CPLX2: variants seen among roughly 807,000 people sequenced by gnomAD.
CPLX2 encodes the protein complexin-2.
CPLX2 carries 5 observed loss-of-function variants against 16.3 expected under a neutral mutation model. That is an observed-to-expected ratio of 0.31 (90% CI 0.16 to 0.64). The LOEUF (loss-of-function observed/expected upper bound fraction) is 0.64, where lower values mean the gene tolerates loss of function less well. CPLX2 is among the 30% of genes least tolerant of loss of function. The pLI, the probability that CPLX2 is intolerant of heterozygous loss-of-function variation, is 0.79. For missense variants in CPLX2, 144 were observed against 181.4 expected (o/e 0.79, Z 1.18); for synonymous variants, 89 against 73.2 (o/e 1.22, Z -1.10).
chr5:175,814,726 C>T (rs1481531427), intron 2 of CPLX2, among the ~76,000 whole-genome samples: 1 of 152,156 alleles, frequency 6.6e-6, no homozygotes, highest in Non-Finnish European at 1.5e-5. Flanking sequence ...GGACACAGGG[C>T]TCAGGAAAGG....
intron 2 of CPLX2, among the ~76,000 whole-genome samples, chr5:175,829,398 C>T (rs1225362892): frequency 1.3e-5 from 2 of 152,188 alleles, no homozygotes; most frequent in Non-Finnish European, 2.9e-5. Flanking sequence ...GAAGGCCCCG[C>T]TCCCCCAGGA....
chr5:175,854,178 C>T (rs1189096758), intron 2 of CPLX2, among the ~76,000 whole-genome samples: 2 of 152,350 alleles, frequency 1.3e-5, no homozygotes, highest in East Asian at 3.9e-4. Flanking sequence ...GCCCCCACTT[C>T]TCACAGCTCC....
intron 2 of CPLX2, among the ~76,000 whole-genome samples, chr5:175,861,929 G>A (rs538941841): frequency 4.9e-4 from 75 of 152,262 alleles, no homozygotes; most frequent in African/African-American, 1.8e-3. Context: ...GTCTGGGGAC[G>A]TTCCTTAATC....
At chr5:175,836,333 G>A (rs1368974506) in intron 2 of CPLX2, among the ~76,000 whole-genome samples, 1 of 152,004 alleles carries the variant, frequency 6.6e-6, no homozygotes. Flanking sequence ...CTGGGCGACA[G>A]AGCGAGACTC....
intron 2 of CPLX2, among the ~76,000 whole-genome samples, chr5:175,824,900 C>T (rs1250624594): frequency 2.0e-5 from 3 of 152,118 alleles, no homozygotes; most frequent in Non-Finnish European, 1.5e-5. Context: ...GTGATGGAGG[C>T]GAGGAGATCA....
At chr5:175,863,943 C>G (rs532539146) in intron 2 of CPLX2, among the ~76,000 whole-genome samples, 1 of 152,328 alleles carries the variant, frequency 6.6e-6, no homozygotes, top group East Asian at 1.9e-4. Context: ...TCTTTTCTTT[C>G]TCATTCCAAC....
chr5:175,858,540 C>G (rs540847553), intron 2 of CPLX2, among the ~76,000 whole-genome samples: 1 of 152,178 alleles, frequency 6.6e-6, no homozygotes, highest in Non-Finnish European at 1.5e-5. Flanking sequence ...GGGCCAGTGT[C>G]AGTGGGGAGC....
rs1227041477 is a variant in CPLX2, at chr5:175,799,539, C to CATATATATATTTATATATATAT, written c.-169+2765_-169+2766insTTATATATATATATATATATAT. ...ATCTTTGAGATCCCTTTGCAAATTT[C>CATATATATATTTATATATATAT]ATATATATATATATATATATATATA... is the stretch of plus-strand genomic sequence containing the variant. On this transcript the variant is annotated intron_variant, in intron 1 of 4. Coordinates refer to the CPLX2 transcript ENST00000359546. Among the ~76,000 whole-genome samples, 278 of 72,212 alleles carry CATATATATATTTATATATATAT rather than the reference C, an allele frequency of 3.8e-3. 15 individuals carry two copies. Among genetic ancestry groups the CATATATATATTTATATATATAT allele is most frequent in the Middle Eastern group, 7.0e-3 (1 of 142 alleles). The allele number at this position is 72,212 out of a possible 152,430, so 47.4% of individuals were successfully genotyped here.
chr5:175,839,830 C>T (rs1282929323), intron 2 of CPLX2, among the ~76,000 whole-genome samples: 1 of 152,348 alleles, frequency 6.6e-6, no homozygotes, highest in South Asian at 2.1e-4. Context: ...TAACTTGACA[C>T]AATGACACAT....
intron 2 of CPLX2, among the ~76,000 whole-genome samples, chr5:175,851,086 T>C (rs991830910): frequency 6.6e-6 from 1 of 151,660 alleles, no homozygotes; most frequent in African/African-American, 2.4e-5. Context: ...TGGTGGGAGA[T>C]AAATAAGTGT....
chr5:175,833,156 C>CAAAAAAA (rs945794215), intron 2 of CPLX2, among the ~76,000 whole-genome samples: 2 of 137,632 alleles, frequency 1.5e-5, no homozygotes, highest in Non-Finnish European at 1.6e-5. Flanking sequence ...AACTCCATCT[C>CAAAAAAA]AAAAAAAAAA....
intron 1 of CPLX2, among the ~76,000 whole-genome samples, chr5:175,799,539 C>CATATATATATTTATATATATTTTT (rs1227041477): frequency 1.4e-5 from 1 of 72,276 alleles, no homozygotes; most frequent in African/African-American, 5.6e-5. Context: ...TTGCAAATTT[C>CATATATATATTTATATATATTTTT]ATATATATAT....
At chr5:175,806,258 C>A (rs887803332) in intron 1 of CPLX2, among the ~76,000 whole-genome samples, 1 of 152,036 alleles carries the variant, frequency 6.6e-6, no homozygotes, top group East Asian at 1.9e-4. Context: ...CTCAGTAAAC[C>A]ATGCATCCCC....
chr5:175,831,616 G>T (rs940553927), intron 2 of CPLX2, among the ~76,000 whole-genome samples: 1 of 152,220 alleles, frequency 6.6e-6, no homozygotes, highest in Non-Finnish European at 1.5e-5. Context: ...TTGGGGCAGA[G>T]CATGTACAAA....
At chr5:175,867,017 G>A (rs1759490412), upstream of CPLX2, among the ~76,000 whole-genome samples, 1 of 152,184 alleles carries the variant, frequency 6.6e-6, no homozygotes, top group South Asian at 2.1e-4. Context: ...CAGGGCTGCA[G>A]TGAGCTATGA....
intron 2 of CPLX2, among the ~76,000 whole-genome samples, chr5:175,823,823 T>C (rs1758556820): frequency 1.3e-5 from 2 of 151,928 alleles, no homozygotes; most frequent in African/African-American, 4.8e-5. Context: ...CCCTCTCCCC[T>C]CCCTCCCCCT....
chr5:175,825,805 G>A lies in CPLX2; in HGVS notation c.-89+16737G>A, dbSNP rs192397066. On this transcript the variant is annotated intron_variant, in intron 2 of 4. Transcript: ENST00000359546. ...CCAAGGCAGCCAAAGAAGCTGGAGT[G>A]GAAATCTCAGCTCCCAGCAGCTAGA... Among the ~76,000 whole-genome samples, 113 of 152,176 alleles carry A rather than the reference G, an allele frequency of 7.4e-4. 1 individual carries two copies. Among genetic ancestry groups the A allele is most frequent in the African/African-American group, 2.5e-3 (105 of 41,482 alleles).
At chr5:175,798,424 G>A (rs1457002161) in intron 1 of CPLX2, among the ~76,000 whole-genome samples, 2 of 152,212 alleles carry the variant, frequency 1.3e-5, no homozygotes, top group African/African-American at 4.8e-5. Flanking sequence ...TCACAGGCCA[G>A]AAAAGGAAAC....
upstream of CPLX2, among the ~76,000 whole-genome samples, chr5:175,870,131 A>C (rs1169728140): frequency 1.3e-5 from 2 of 152,220 alleles, no homozygotes; most frequent in Non-Finnish European, 2.9e-5. Flanking sequence ...GCCCTAGGAA[A>C]GGGAAGAAAA....
Sources: gnomAD v4.1 joint callset for allele counts (sites outside exome capture counted in the v4.1 genomes callset) on GRCh38, gnomAD v4.1.1 for gene constraint, MANE v1.5 for transcripts, NCBI Gene and HGNC (gene_info 2026-07-23, HGNC 2026-07-21) for gene names.